Variants in RALGAPB observed in about 807,000 individuals in gnomAD.
RALGAPB encodes the protein Ral GTPase activating protein non-catalytic subunit beta, also known as ral GTPase-activating protein subunit beta.
RALGAPB carries 25 observed loss-of-function variants against 161.1 expected under a neutral mutation model. The observed-to-expected ratio is 0.16, with a 90% CI of 0.11 to 0.22. The LOEUF (loss-of-function observed/expected upper bound fraction) is 0.22. Among genes scored for constraint, RALGAPB ranks in the 10% least tolerant of loss-of-function variants. The probability of loss-of-function intolerance (pLI) is 1.00; values close to 1 mark genes in which losing one functional copy is unlikely to be tolerated. For missense variants in RALGAPB, 1,391 were observed against 1,815.2 expected, an observed-to-expected ratio of 0.77 and a Z score of 4.25; for synonymous variants, 629 against 626.1, an observed-to-expected ratio of 1.00 and a Z score of -0.07.
intron 1 of RALGAPB, 79 bp downstream of exon 1, chr20:38,473,148 G>C (rs1179369500): frequency 3.0e-6 from 1 of 329,566 alleles, no homozygotes; most frequent in East Asian, 4.7e-5. Flanking sequence ...GTCAAGGGAC[G>C]GCTGAGGCTT....
Position 38,574,319 on chromosome 20 carries a change from C to T in RALGAPB, c.4291+21C>T, listed in dbSNP as rs16987420. 0.014 allele frequency: 21,179 copies of T among 1,556,464 alleles called. 2,551 individuals are homozygous for T. The African/African-American group carries it at 0.26, about 19-fold the overall frequency. ...TCTTGGTAAGGTCTTCATATGTGGC[C>T]GAAGAGTTAAATTTTCTTTTTCTTT... On this transcript the variant is annotated intron_variant, in intron 29 of 29. Transcript: ENST00000262879.
At chr20:38,542,704 A>G (rs6070535) in intron 18 of RALGAPB, among the ~76,000 whole-genome samples, 18,260 of 151,816 alleles carry the variant, frequency 0.12, 3,035 homozygotes, top group African/African-American at 0.37. Context: ...GTGAAACCCC[A>G]CCTCTACTAA....
rs190121629 is a variant in RALGAPB at position 38,536,874 on chromosome 20, A to G, written c.2379+1667A>G. On this transcript the variant is annotated intron_variant, in intron 16 of 29. Coordinates refer to ENST00000262879, the MANE Select transcript of RALGAPB (RefSeq NM_020336.4). ...TTACCACCACTTAGAGCTTACCTCA[A>G]AGATCCTCCAGGATGGACATCATAA... Among the ~76,000 whole-genome samples, 29 of 152,342 alleles carry G rather than the reference A, an allele frequency of 1.9e-4. 1 individual carries two copies. Among genetic ancestry groups the G allele is most frequent in the South Asian group, 6.2e-4 (3 of 4,826 alleles).
chr20:38,570,976 AAAG>A (rs1368991062), intron 28 of RALGAPB, 129 bp downstream of exon 28: 2 of 655,318 alleles, frequency 3.1e-6, no homozygotes, highest in African/African-American at 1.8e-5. Flanking sequence ...AAGATCAAAG[AAAG>A]AAGTTTGTAT....
At chr20:38,541,874 G>A (rs1005617190) in intron 18 of RALGAPB, among the ~76,000 whole-genome samples, 1 of 152,168 alleles carries the variant, frequency 6.6e-6, no homozygotes, top group African/African-American at 2.4e-5. Flanking sequence ...CTGGGAGGAT[G>A]GGTCAAGTTT....
At chr20:38,499,123 G>A (rs1308373350) in intron 4 of RALGAPB, among the ~76,000 whole-genome samples, 1 of 152,182 alleles carries the variant, frequency 6.6e-6, no homozygotes, top group African/African-American at 2.4e-5. Flanking sequence ...CTGACTCATA[G>A]TAGTCAGTCA....
At chr20:38,523,464 A>G (rs2086358523) in intron 10 of RALGAPB, among the ~76,000 whole-genome samples, 1 of 152,224 alleles carries the variant, frequency 6.6e-6, no homozygotes, top group Admixed American at 6.5e-5. Flanking sequence ...GGGTGGTAGT[A>G]GGACAAACCA....
rs1227562441 is a variant in RALGAPB at position 38,517,605 on chromosome 20, G to A, written c.1151G>A (p.Arg384Gln). The change falls in exon 8 of 30, where the codon CGG (arginine) becomes CAG (glutamine). Residue 384 changes from arginine (R) to glutamine (Q), a missense_variant. Arg to Gln is a conservative substitution (Grantham distance 43). This residue lies in a region of RALGAPB where 946 missense variants were observed against 1,257.2 expected (regional missense o/e 0.75). Transcript: ENST00000262879. ...GTCAGTACCACCCCCCCACATAACC[G>A]GAGGCACCGGGCTGTTACTGTGAAT... ...AAVSTTPPHN[R>Q]RHRAVTVNKA... 6 of 1,613,728 alleles carry A rather than the reference G, an allele frequency of 3.7e-6. No homozygotes were observed. Among genetic ancestry groups the A allele is most frequent in the Admixed American group, 3.3e-5 (2 of 59,988 alleles).
At chr20:38,526,414 C>T (rs2086471581) in intron 13 of RALGAPB, among the ~76,000 whole-genome samples, 2 of 152,002 alleles carry the variant, frequency 1.3e-5, no homozygotes, top group South Asian at 2.1e-4. Context: ...TCTTCCTCTT[C>T]TTCTTGCCTC....
chr20:38,565,568 T>C (rs2087966240), intron 25 of RALGAPB, 90 bp downstream of exon 25: 2 of 1,446,438 alleles, frequency 1.4e-6, no homozygotes, highest in Non-Finnish European at 9.4e-7. Context: ...GATTTTGAAG[T>C]GATCTAAGGC....
intron 16 of RALGAPB, chr20:38,538,508 C>G (rs1451486232): frequency 6.1e-6 from 1 of 163,398 alleles, no homozygotes; most frequent in Non-Finnish European, 1.3e-5. Context: ...TGGATGTTGC[C>G]TTGTAAAGAC....
chr20:38,525,747 A>G, intron 12 of RALGAPB, 148 bp from the exon 13 acceptor site: 3 of 874,404 alleles, frequency 3.4e-6, no homozygotes, highest in Non-Finnish European at 3.5e-6. Context: ...ATCTATTAAC[A>G]TATTGTTAGT....
rs973130269 is a variant in RALGAPB, at chr20:38,493,197, A to G, written c.389+65A>G. 6.1e-6 allele frequency: 8 copies of G among 1,312,162 alleles called. No homozygotes were observed. In the African/African-American group the frequency reaches 7.3e-5, roughly 12 times the overall value. The allele number at this position is 1,312,162 out of a possible 1,614,324, so 81.3% of individuals were successfully genotyped here. A position where few individuals can be genotyped will look rare whatever the true frequency, so the allele number is the denominator to read the frequency against. The stretch of plus-strand genomic sequence containing the variant: ...TAGTAAAATATTCATAAACGTTACT[A>G]TAGTATAGGAGCTGATTTCATTGTT... On this transcript the variant is annotated intron_variant, in intron 3 of 29. Transcript: ENST00000262879.
At position 38,553,945 on chromosome 20, in the gene RALGAPB, G is replaced by A; in HGVS notation, c.3241G>A (p.Glu1081Lys). 1 of 1,613,712 alleles carries A rather than the reference G, an allele frequency of 6.2e-7. No individual in the cohort carries two copies. The highest frequency in any genetic ancestry group is 1.7e-5 in the Admixed American group (1 of 59,988). The change falls in exon 22 of 30, where the codon GAG (glutamate) becomes AAG (lysine). Residue 1081 changes from glutamate to lysine, a missense_variant. Glu to Lys is a moderately conservative substitution (Grantham distance 56). Coordinates refer to ENST00000262879, the MANE Select transcript of RALGAPB (RefSeq NM_020336.4). Reference sequence around the variant, plus strand: ...TGAAATACACCTTGAGCAACAGAGTGAGGAGGAATTGCAGAAGAGAAGTTT... The same window carrying A: ...TGAAATACACCTTGAGCAACAGAGTAAGGAGGAATTGCAGAAGAGAAGTTT... Reference protein sequence around the residue: ...AYEIHLEQQSEEELQKRSFPD... With the variant: ...AYEIHLEQQSKEELQKRSFPD...
intron 5 of RALGAPB, among the ~76,000 whole-genome samples, chr20:38,500,315 A>C (rs2085547380): frequency 6.6e-6 from 1 of 151,800 alleles, no homozygotes; most frequent in East Asian, 1.9e-4. Flanking sequence ...CATTTTTCCA[A>C]CAGCATATGC....
At position 38,570,084 on chromosome 20, in the gene RALGAPB, T is replaced by A. The variant is rs1050721214; in HGVS notation, c.4063+88T>A. The A allele has an allele frequency of 1.1e-5, 12 of 1,097,938 alleles. No homozygotes were observed. The East Asian group carries it at 1.2e-4, about 11-fold the overall frequency. The allele number at this position is 1,097,938 out of a possible 1,614,324, so 68.0% of individuals were successfully genotyped here. ...TCTACAGGGAGTGGGCACATAAGCC[T>A]GGTGTGGCCAGGAGCTAGTCCTGGA... is the stretch of plus-strand genomic sequence containing the variant. On this transcript the variant is annotated intron_variant, in intron 27 of 29. Transcript: ENST00000262879.
At chr20:38,542,751 T>G (rs1017687539) in intron 18 of RALGAPB, among the ~76,000 whole-genome samples, 1 of 151,950 alleles carries the variant, frequency 6.6e-6, no homozygotes. Context: ...GGTGCACACA[T>G]GTAGTCCCAG....
intron 23 of RALGAPB, among the ~76,000 whole-genome samples, chr20:38,560,621 G>A (rs892084112): frequency 3.9e-5 from 6 of 152,130 alleles, no homozygotes; most frequent in Admixed American, 1.3e-4. Context: ...CAGCAAATCA[G>A]TGCATTGTTT....
chr20:38,501,354 G>T (rs183027220), intron 5 of RALGAPB, among the ~76,000 whole-genome samples: 8 of 152,290 alleles, frequency 5.3e-5, no homozygotes, highest in African/African-American at 1.9e-4. Context: ...GCTCACACCT[G>T]TAATCCCAGC....
Sources: allele counts gnomAD v4.1 joint callset (sites outside exome capture counted in the v4.1 genomes callset), GRCh38; gene constraint gnomAD v4.1.1; regional missense constraint gnomAD v4.1.1; transcripts MANE v1.5; gene names NCBI Gene and HGNC (gene_info 2026-07-23, HGNC 2026-07-21).